Variants in TICRR observed in about 807,000 individuals in gnomAD.
The protein encoded by TICRR is treslin.
In TICRR, 132 loss-of-function variants were observed where a neutral mutation model predicts 178.1. The observed-to-expected ratio is 0.74, with a 90% CI of 0.64 to 0.86. The LOEUF is 0.86. TICRR is among the 40% of genes least tolerant of loss of function. The pLI is 0.00. For missense variants in TICRR, 2,587 were observed against 2,334.3 expected (o/e 1.11, Z -2.23); for synonymous variants, 991 against 900.7 (o/e 1.10, Z -1.79).
rs1223794338 is a variant in TICRR, at chr15:89,625,151, T to C, written c.4841T>C (p.Leu1614Ser). The change falls in exon 20 of 22, where the codon TTA becomes TCA. Residue 1614 changes from leucine to serine, a missense_variant. Physicochemically the swap from Leu to Ser is moderately radical, Grantham distance 145 (BLOSUM62 -2). Transcript: ENST00000268138. ...AGCATGCCCAGGGCCAGCAGGTCCT[T>C]AAGCAAACCTGAACCCACCTATGTG... The part of the protein sequence containing the change: ...ALSMPRASRS[L>S]SKPEPTYVSP... 9 of 1,613,768 alleles carry C rather than the reference T, an allele frequency of 5.6e-6. No individual in the cohort carries two copies. Among genetic ancestry groups the C allele is most frequent in the Non-Finnish European group, 6.8e-6 (8 of 1,179,964 alleles).
chr15:89,587,025 C>T (rs1962834975), intron 4 of TICRR, among the ~76,000 whole-genome samples: 3 of 152,148 alleles, frequency 2.0e-5, no homozygotes, highest in Admixed American at 2.0e-4. Context: ...AGACATATTA[C>T]AATAATCCAG....
At position 89,625,047 on chromosome 15, in the gene TICRR, C is replaced by G. The variant is rs1268163455; in HGVS notation, c.4737C>G (p.Asp1579Glu). ...GLPKLRIKKI[D>E]PSSSLEAEPL... is the part of the protein sequence containing the mutation. ...CCAAACTTCGAATTAAGAAGATAGA[C>G]CCCAGCTCTTCATTAGAGGCTGAGC... The change falls in exon 20 of 22, where the codon GAC (aspartate) becomes GAG (glutamate). Residue 1579 changes from aspartate (D) to glutamate (E), a missense_variant. Coordinates refer to ENST00000268138, the MANE Select transcript of TICRR (RefSeq NM_152259.4). 6.2e-7 allele frequency: 1 copy of G among 1,614,032 alleles called. No homozygotes were observed. The highest frequency in any genetic ancestry group is 8.5e-7 in the Non-Finnish European group (1 of 1,180,018).
In TICRR at chr15:89,618,116, G is replaced by C. The variant is rs753911090; in HGVS notation, c.2961-36G>C. The C allele has an allele frequency of 1.3e-5, 20 of 1,595,490 alleles. 1 individual carries two copies. Among genetic ancestry groups the C allele is most frequent in the Middle Eastern group, 3.3e-4 (2 of 6,054 alleles). On this transcript the variant is annotated intron_variant, in intron 16 of 21. Transcript: ENST00000268138. ...TCCTTAATAAGTGTTAATTACAAGT[G>C]GTATGGAGTAATCCTTGTGCATGTG...
intron 1 of TICRR, among the ~76,000 whole-genome samples, chr15:89,579,434 C>T (rs1186515958): frequency 6.6e-6 from 1 of 152,168 alleles, no homozygotes; most frequent in East Asian, 1.9e-4. Context: ...CAACCTCCGC[C>T]TCCTGGGTTC....
intron 15 of TICRR, among the ~76,000 whole-genome samples, chr15:89,615,157 A>G (rs1164852680): frequency 6.6e-6 from 1 of 152,248 alleles, no homozygotes; most frequent in Non-Finnish European, 1.5e-5. Context: ...AGGCAGCTGT[A>G]ACATTTAACA....
chr15:89,578,722 G>T (rs1194803842), intron 1 of TICRR, among the ~76,000 whole-genome samples: 2 of 151,626 alleles, frequency 1.3e-5, no homozygotes, highest in Non-Finnish European at 2.9e-5. Flanking sequence ...ATCCCTTCCA[G>T]GTCTGATGTA....
intron 16 of TICRR, among the ~76,000 whole-genome samples, chr15:89,617,296 T>A (rs1963350311): frequency 6.6e-6 from 1 of 152,172 alleles, no homozygotes; most frequent in African/African-American, 2.4e-5. Flanking sequence ...TTGCGAAAAG[T>A]GAAATTGGTG....
chr15:89,624,760 T>C lies in TICRR; in HGVS notation c.4450T>C (p.Ser1484Pro), dbSNP rs775915801. 23 of 1,614,070 alleles carry C rather than the reference T, an allele frequency of 1.4e-5. No individual in the cohort carries two copies. In the South Asian group the frequency reaches 1.8e-4, roughly 12 times the overall value. Residue 1484 changes from serine (S) to proline (P), a missense_variant, in exon 20 of 22, where the codon TCA becomes CCA. Ser to Pro is a moderately conservative substitution (Grantham distance 74). Transcript: ENST00000268138. Reference protein sequence around the residue: ...GIGDLKSNVLSVEEGEGLRTA... With the variant: ...GIGDLKSNVLPVEEGEGLRTA... ...TGGTGACTTGAAAAGTAACGTCTTA[T>C]CAGTGGAAGAGGGTGAGGGGCTAAG...
rs1962815639 is a variant in TICRR, at chr15:89,585,960, T to G, written c.1411+18T>G. ...TTCTGCTGGTAAGCTCCTAAACTAG[T>G]AACTAACAGAGTCTAGGGTGGTTTG... On this transcript the variant is annotated intron_variant, in intron 4 of 21. Coordinates refer to ENST00000268138, the MANE Select transcript of TICRR (RefSeq NM_152259.4). The G allele has an allele frequency of 6.3e-7, 1 of 1,599,352 alleles. No individual in the cohort carries two copies. The highest frequency in any genetic ancestry group is 1.3e-5 in the African/African-American group (1 of 74,754).
In TICRR at chr15:89,601,341, T is replaced by C; in HGVS notation, c.2197T>C (p.Cys733Arg). 2 of 1,614,202 alleles carry C rather than the reference T, an allele frequency of 1.2e-6. No individual in the cohort carries two copies. The highest frequency in any genetic ancestry group is 1.1e-5 in the South Asian group (1 of 91,080). Residue 733 changes from cysteine (C) to arginine (R), a missense_variant, in exon 10 of 22, where the codon TGC becomes CGC. Transcript: ENST00000268138. ...TCTTCGTTTGGAGATGTGTCTGCAA[T>C]GCCCTTCAATAAATGAAAGTACAGA... ...VFLRLEMCLQ[C>R]PSINESTDDM...
Position 89,601,279 on chromosome 15 carries a change from A to T in TICRR, c.2154-19A>T, listed in dbSNP as rs1412602995. 26 of 1,610,378 alleles carry T rather than the reference A, an allele frequency of 1.6e-5. No individual in the cohort carries two copies. Among genetic ancestry groups the T allele is most frequent in the Non-Finnish European group, 2.2e-5 (26 of 1,176,876 alleles). On this transcript the variant is annotated intron_variant, in intron 9 of 21. Transcript: ENST00000268138. ...GTGACATCCAAAGTAGATATGACCAAGTATTTTTTTCTCTCAAGGTGCCAG... is the reference window on the plus strand; with the variant it reads ...GTGACATCCAAAGTAGATATGACCATGTATTTTTTTCTCTCAAGGTGCCAG...
chr15:89,595,152 G>A (rs1363409409), intron 6 of TICRR, among the ~76,000 whole-genome samples: 1 of 152,162 alleles, frequency 6.6e-6, no homozygotes, highest in Non-Finnish European at 1.5e-5. Context: ...CATCCATTGA[G>A]ATGTTTAGTT....
chr15:89,606,622 G>T, intron 13 of TICRR, 146 bp from the exon 14 acceptor site: 1 of 685,802 alleles, frequency 1.5e-6, no homozygotes, highest in Non-Finnish European at 2.5e-6. Context: ...AGTGTTTTTG[G>T]AACATTTCTG....
chr15:89,597,978 T>C (rs1303713883), intron 7 of TICRR, among the ~76,000 whole-genome samples: 1 of 152,186 alleles, frequency 6.6e-6, no homozygotes, highest in African/African-American at 2.4e-5. Context: ...GTATTTCATA[T>C]TTAGGGGGGG....
intron 16 of TICRR, 175 bp from the exon 17 acceptor site, chr15:89,617,977 A>C: frequency 1.4e-6 from 1 of 708,636 alleles, no homozygotes; most frequent in South Asian, 1.7e-5. Context: ...CAGGCGTGAG[A>C]CACTGTGGCC....
At chr15:89,617,236 G>A (rs778087566) in intron 16 of TICRR, among the ~76,000 whole-genome samples, 5 of 152,092 alleles carry the variant, frequency 3.3e-5, no homozygotes, top group Admixed American at 6.6e-5. Flanking sequence ...AACCCATCTC[G>A]ACATTATTCG....
intron 15 of TICRR, among the ~76,000 whole-genome samples, chr15:89,610,961 A>G (rs78663528): frequency 6.6e-6 from 1 of 151,664 alleles, no homozygotes; most frequent in Admixed American, 6.6e-5. Flanking sequence ...CTCTGCTACT[A>G]TGTATTTCTG....
At chr15:89,584,863 A>G (rs187142329) in intron 3 of TICRR, among the ~76,000 whole-genome samples, 1 of 152,322 alleles carries the variant, frequency 6.6e-6, no homozygotes, top group East Asian at 1.9e-4. Context: ...CTACTTTTAT[A>G]TAAGTATTTA....
intron 21 of TICRR, 50 bp downstream of exon 21, chr15:89,626,111 A>G: frequency 1.9e-6 from 3 of 1,596,506 alleles, no homozygotes; most frequent in Non-Finnish European, 2.6e-6. Flanking sequence ...GACTGTCTGA[A>G]TTCACCAGGG....
Sources: gnomAD v4.1 joint callset for allele counts (sites outside exome capture counted in the v4.1 genomes callset) on GRCh38, gnomAD v4.1.1 for gene constraint, MANE v1.5 for transcripts, NCBI Gene and HGNC (gene_info 2026-07-23, HGNC 2026-07-21) for gene names.